Variants in IL1RAPL1 observed in about 807,000 individuals in gnomAD.
The protein encoded by IL1RAPL1 is interleukin-1 receptor accessory protein-like 1.
IL1RAPL1 carries 3 observed loss-of-function variants against 48.4 expected under a neutral mutation model. The observed-to-expected ratio is 0.06, with a 90% CI of 0.03 to 0.16. IL1RAPL1 has a LOEUF of 0.16. Ranked by LOEUF, IL1RAPL1 falls within the 10% of genes least tolerant of loss-of-function variation. The pLI, the probability that IL1RAPL1 is intolerant of heterozygous loss-of-function variation, is 1.00. For synonymous variants in IL1RAPL1, 185 were observed against 187.7 expected (o/e 0.99, Z 0.12); for missense variants, 349 against 530.6 (o/e 0.66, Z 3.36).
At chrX:29,887,547 T>TA (rs1932190523) in intron 6 of IL1RAPL1, among the ~76,000 whole-genome samples, 2 of 112,237 alleles carry the variant, frequency 1.8e-5, no homozygotes, top group African/African-American at 3.2e-5. Context: ...TCTCTCCATT[T>TA]AAAAAAATGA....
chrX:28,873,801 G>C (rs1195455218), intron 2 of IL1RAPL1, among the ~76,000 whole-genome samples: 1 of 109,288 alleles, frequency 9.2e-6, no homozygotes, highest in African/African-American at 3.3e-5. Flanking sequence ...AAAGTGCTGG[G>C]ATTACAAGCA....
chrX:29,393,422 A>T (rs745417982), intron 3 of IL1RAPL1, among the ~76,000 whole-genome samples: 23 of 111,725 alleles, frequency 2.1e-4, no homozygotes, highest in Non-Finnish European at 4.1e-4. Context: ...CGCCCTGCCA[A>T]CTTTCCCTAG....
chrX:28,725,107 C>T (rs1002610102), intron 1 of IL1RAPL1, among the ~76,000 whole-genome samples: 5 of 108,760 alleles, frequency 4.6e-5, no homozygotes, highest in Non-Finnish European at 7.6e-5. Context: ...GCCCGCACCA[C>T]GCCCGGCTAA....
chrX:29,507,776 A>G (rs1412187779), intron 5 of IL1RAPL1, among the ~76,000 whole-genome samples: 1 of 111,200 alleles, frequency 9.0e-6, no homozygotes, highest in African/African-American at 3.3e-5. Flanking sequence ...ATGGCATTTT[A>G]CATGAGGAAT....
At chrX:29,078,838 CCATGT>C (rs1927741144) in intron 2 of IL1RAPL1, among the ~76,000 whole-genome samples, 1 of 111,849 alleles carries the variant, frequency 8.9e-6, no homozygotes, top group African/African-American at 3.3e-5. Flanking sequence ...ATTTCAAAAA[CCATGT>C]TATTTACTCA....
intron 2 of IL1RAPL1, among the ~76,000 whole-genome samples, chrX:29,154,108 C>A (rs924244434): frequency 2.7e-5 from 3 of 111,918 alleles, no homozygotes; most frequent in African/African-American, 9.7e-5. Flanking sequence ...CCTCTCCCAA[C>A]AAAGCCTTAC....
intron 5 of IL1RAPL1, among the ~76,000 whole-genome samples, chrX:29,653,049 C>A (rs141901299): frequency 0.022 from 2,425 of 111,673 alleles, 59 homozygotes; most frequent in African/African-American, 0.075. Flanking sequence ...CATGTAATTC[C>A]ATTTCTTGTT....
At chrX:29,630,904 T>C (rs914156150) in intron 5 of IL1RAPL1, among the ~76,000 whole-genome samples, 3 of 112,765 alleles carry the variant, frequency 2.7e-5, no homozygotes, top group Admixed American at 1.9e-4. Context: ...TTTTGACATA[T>C]TAAATTTGCA....
intron 6 of IL1RAPL1, among the ~76,000 whole-genome samples, chrX:29,769,437 T>G (rs1280070821): frequency 5.5e-5 from 3 of 54,513 alleles, no homozygotes; most frequent in East Asian, 5.6e-4. Flanking sequence ...GTTTTTTTTT[T>G]TTTTTTTTTT....
chrX:28,615,199 G>GTTTTTTTTTTTTTT lies in IL1RAPL1; in HGVS notation c.-25+27174_-25+27187dup, dbSNP rs778402885. Among the ~76,000 whole-genome samples the GTTTTTTTTTTTTTT allele has an allele frequency of 2.7e-4, 7 of 26,052 alleles. 2 individuals carry two copies. Among genetic ancestry groups the GTTTTTTTTTTTTTT allele is most frequent in the African/African-American group, 9.9e-4 (7 of 7,047 alleles). 22.6% of individuals were successfully genotyped at this position (26,052 alleles called of 115,157 possible). A position where few individuals can be genotyped will look rare whatever the true frequency, so the allele number is the denominator to read the frequency against. On this transcript the variant is annotated intron_variant, in intron 1 of 10. Coordinates refer to ENST00000378993, the MANE Select transcript of IL1RAPL1 (RefSeq NM_014271.4). Reference sequence around the variant, plus strand: ...CACTGCGCCTGGCCAACTGTTGTCTGTTTTTTTTTTTTTTTTTTTTTTTTT... The same window carrying GTTTTTTTTTTTTTT: ...CACTGCGCCTGGCCAACTGTTGTCTGTTTTTTTTTTTTTTTTTTTTTTTTTTTTTTTTTTTTTTT...
At chrX:29,286,840 A>G (rs889074183) in intron 3 of IL1RAPL1, among the ~76,000 whole-genome samples, 8 of 111,558 alleles carry the variant, frequency 7.2e-5, no homozygotes, top group African/African-American at 2.6e-4. Flanking sequence ...CCCAAATGGT[A>G]GCATGCTAAG....
At chrX:29,118,898 C>T (rs1420338569) in intron 2 of IL1RAPL1, among the ~76,000 whole-genome samples, 1 of 111,778 alleles carries the variant, frequency 8.9e-6, no homozygotes, top group Non-Finnish European at 1.9e-5. Context: ...TGATTATACA[C>T]ACATATATGA....
intron 6 of IL1RAPL1, among the ~76,000 whole-genome samples, chrX:29,740,943 A>G (rs1214554553): frequency 8.9e-6 from 1 of 112,361 alleles, no homozygotes; most frequent in Non-Finnish European, 1.9e-5. Flanking sequence ...GTAAATTGAA[A>G]GCACCTAGAT....
chrX:29,375,982 A>C (rs958361615), intron 3 of IL1RAPL1, among the ~76,000 whole-genome samples: 2 of 111,375 alleles, frequency 1.8e-5, no homozygotes, highest in Non-Finnish European at 3.8e-5. Context: ...TGGTCTATCG[A>C]TCTTGTTTAT....
At chrX:29,240,212 ATATATATATATATTTTTTTT>A (rs1931386794) in intron 2 of IL1RAPL1, among the ~76,000 whole-genome samples, 1 of 48,410 alleles carries the variant, frequency 2.1e-5, no homozygotes, top group East Asian at 1.2e-3. Flanking sequence ...ATATATATAT[ATATATATATATATTTTTTTT>A]TTTTTTTTTT....
At chrX:29,133,479 T>G (rs1167601981) in intron 2 of IL1RAPL1, among the ~76,000 whole-genome samples, 1 of 111,485 alleles carries the variant, frequency 9.0e-6, no homozygotes, top group Non-Finnish European at 1.9e-5. Context: ...TTTGAGTAGT[T>G]ACTATGCTTT....
chrX:29,040,248 A>C (rs1479543331), intron 2 of IL1RAPL1, among the ~76,000 whole-genome samples: 1 of 112,091 alleles, frequency 8.9e-6, no homozygotes, highest in Non-Finnish European at 1.9e-5. Flanking sequence ...GTGAATCTGC[A>C]TGGGGAAAAA....
At chrX:29,210,716 T>G (rs891715643) in intron 2 of IL1RAPL1, among the ~76,000 whole-genome samples, 5 of 111,692 alleles carry the variant, frequency 4.5e-5, no homozygotes, top group African/African-American at 1.6e-4. Context: ...TCATTCCAGG[T>G]GCAACTTAAG....
intron 1 of IL1RAPL1, among the ~76,000 whole-genome samples, chrX:28,651,880 T>A (rs1309660873): frequency 2.7e-5 from 3 of 111,596 alleles, no homozygotes; most frequent in Non-Finnish European, 5.6e-5. Context: ...TGCCATCTAA[T>A]CTCTCCTACT....
Sources: gnomAD v4.1 joint callset for allele counts (sites outside exome capture counted in the v4.1 genomes callset) on GRCh38, gnomAD v4.1.1 for gene constraint, MANE v1.5 for transcripts, NCBI Gene and HGNC (gene_info 2026-07-23, HGNC 2026-07-21) for gene names.